Variants in ZNF445 observed in about 807,000 individuals in gnomAD.
The protein encoded by ZNF445 is zinc finger protein 168.
Under a neutral mutation model 93.9 loss-of-function variants are expected in ZNF445, and 19 were observed. That is an observed-to-expected ratio of 0.20 (90% CI 0.14 to 0.30). The LOEUF is 0.30. Among genes scored for constraint, ZNF445 ranks in the 10% least tolerant of loss-of-function variants. The probability of loss-of-function intolerance (pLI) is 1.00; values close to 1 mark genes in which losing one functional copy is unlikely to be tolerated. For synonymous variants in ZNF445, 449 were observed against 446.3 expected (o/e 1.01, Z -0.08); for missense variants, 1,058 against 1,259.4 (o/e 0.84, Z 2.42).
At chr3:44,454,459 G>T (rs886861178) in intron 3 of ZNF445, among the ~76,000 whole-genome samples, 1 of 152,106 alleles carries the variant, frequency 6.6e-6, no homozygotes, top group Admixed American at 6.5e-5. Flanking sequence ...TTAGAGATAG[G>T]GTCTTGCTGT....
chr3:44,457,295 AG>A (rs2125681421), intron 2 of ZNF445, among the ~76,000 whole-genome samples: 1 of 151,976 alleles, frequency 6.6e-6, no homozygotes, highest in African/African-American at 2.4e-5. Context: ...TTTTAAAGAC[AG>A]GGTCTCTTTC....
At chr3:44,462,487 A>C (rs1191313277) in intron 1 of ZNF445, among the ~76,000 whole-genome samples, 1 of 152,162 alleles carries the variant, frequency 6.6e-6, no homozygotes, top group African/African-American at 2.4e-5. Context: ...CTCAGTAGCT[A>C]AGGCTTTGCT....
At position 44,448,677 on chromosome 3, in the gene ZNF445, C is replaced by G; in HGVS notation, c.994G>C (p.Glu332Gln). 6.2e-7 allele frequency: 1 copy of G among 1,613,946 alleles called. No homozygotes were observed. Among genetic ancestry groups the G allele is most frequent in the Non-Finnish European group, 8.5e-7 (1 of 1,180,004 alleles). Residue 332 changes from glutamate (E) to glutamine (Q), a missense_variant, in exon 8 of 8, where the codon GAA (glutamate) becomes CAA (glutamine). Coordinates refer to ENST00000396077, the MANE Select transcript of ZNF445 (RefSeq NM_181489.6). ...CATCCTGATGACACAGCTAAGGTTTCTGCTTCTTCCAAAGGTTCCTGATTT... is the reference window on the plus strand; with the variant it reads ...CATCCTGATGACACAGCTAAGGTTTGTGCTTCTTCCAAAGGTTCCTGATTT... ...ILNQEPLEEA[E>Q]TLAVSSGCPA...
rs1423785319 is a variant in ZNF445 at position 44,436,202 on chromosome 3, T to G, written c.*10373A>C. On this transcript the variant is annotated 3_prime_UTR_variant, in exon 8 of 8. Coordinates refer to ENST00000396077, the MANE Select transcript of ZNF445 (RefSeq NM_181489.6). ...AGCTTTCCTACTTACTCGGATCAAG[T>G]AAAACTTTAGTAGGCAGCCCATCCA... 1 of 152,206 alleles carries G rather than the reference T, an allele frequency of 6.6e-6. No homozygotes were observed. The highest frequency in any genetic ancestry group is 1.5e-5 in the Non-Finnish European group (1 of 68,034). The allele number at this position is 152,206 out of a possible 1,614,324, so 9.4% of individuals were successfully genotyped here. A position where few individuals can be genotyped will look rare whatever the true frequency, so the allele number is the denominator to read the frequency against.
Position 44,448,014 on chromosome 3 carries a change from G to A in ZNF445, c.1657C>T (p.Leu553=). ...TCTCGGTGCAGACGGTAGGCTGACA[G>A]GCGTCGGAAAGCTTTCTCACATAAA... ...CDLCEKAFRR[L]SAYRLHRETH... The change falls in exon 8 of 8, where the codon CTG becomes TTG. Residue 553 remains leucine, a synonymous_variant. Transcript: ENST00000396077. 4.3e-6 allele frequency: 7 copies of A among 1,611,282 alleles called. No individual in the cohort carries two copies. The highest frequency in any genetic ancestry group is 2.2e-5 in the East Asian group (1 of 44,870).
At chr3:44,474,305 G>A (rs183587358) in intron 1 of ZNF445, among the ~76,000 whole-genome samples, 101 of 152,046 alleles carry the variant, frequency 6.6e-4, no homozygotes, top group African/African-American at 1.8e-3. Flanking sequence ...ACCTGAGGTC[G>A]GGAGTTTGAG....
chr3:44,460,507 C>T (rs1480439053), intron 1 of ZNF445, among the ~76,000 whole-genome samples: 1 of 152,146 alleles, frequency 6.6e-6, no homozygotes, highest in Non-Finnish European at 1.5e-5. Flanking sequence ...TTTTGCAGAC[C>T]CTGCACTTGA....
At chr3:44,463,846 G>T (rs773056700) in intron 1 of ZNF445, among the ~76,000 whole-genome samples, 13 of 150,984 alleles carry the variant, frequency 8.6e-5, no homozygotes, top group Non-Finnish European at 1.6e-4. Flanking sequence ...CTGCACTGTC[G>T]ACTGGTCATG....
At position 44,450,547 on chromosome 3, in the gene ZNF445, C is replaced by T. The variant is rs749856251; in HGVS notation, c.720G>A (p.Glu240=). The T allele has an allele frequency of 3.1e-6, 5 of 1,614,152 alleles. No individual in the cohort carries two copies. In the South Asian group the frequency reaches 5.5e-5, roughly 18 times the overall value. The change falls in exon 6 of 8, where the codon GAG becomes GAA. Residue 240 remains glutamate, a synonymous_variant. Transcript: ENST00000396077. ...LQETMTFKDV[E]VTFSQDEWGW... ...CCCACTCGTCCTGGGAGAAGGTCAC[C>T]TCCACATCCTTGAAAGTCATGGTCT...
In ZNF445 at chr3:44,442,814, G is replaced by A. The variant is rs1230973144; in HGVS notation, c.*3761C>T. ...ACAGCCGGGTTCCTAACCAGCAGGT[G>A]TGTGTTTGTGGGTGGCTTCCAGTCA... is the stretch of plus-strand genomic sequence containing the variant. On this transcript the variant is annotated 3_prime_UTR_variant, in exon 8 of 8. Coordinates refer to ENST00000396077, the MANE Select transcript of ZNF445 (RefSeq NM_181489.6). The A allele has an allele frequency of 6.6e-6, 1 of 152,168 alleles. No individual in the cohort carries two copies. Among genetic ancestry groups the A allele is most frequent in the African/African-American group, 2.4e-5 (1 of 41,436 alleles). The allele number at this position is 152,168 out of a possible 1,614,324, so 9.4% of individuals were successfully genotyped here. A position where few individuals can be genotyped will look rare whatever the true frequency, so the allele number is the denominator to read the frequency against.
intron 1 of ZNF445, among the ~76,000 whole-genome samples, chr3:44,463,011 TTG>T (rs61329186): frequency 0.1 from 14,909 of 144,298 alleles, 827 homozygotes; most frequent in Non-Finnish European, 0.13. Flanking sequence ...ATTTTTTTCT[TTG>T]TGTGTGTGTG....
chr3:44,462,917 T>C (rs1050492754), intron 1 of ZNF445, among the ~76,000 whole-genome samples: 1 of 152,062 alleles, frequency 6.6e-6, no homozygotes, highest in Non-Finnish European at 1.5e-5. Context: ...AAACAAGCTG[T>C]AGGTATATTT....
chr3:44,453,943 C>G (rs913927772), intron 3 of ZNF445, among the ~76,000 whole-genome samples: 1 of 152,142 alleles, frequency 6.6e-6, no homozygotes, highest in Non-Finnish European at 1.5e-5. Context: ...TATTTCTCAG[C>G]CCAGCTCTGC....
Position 44,448,345 on chromosome 3 carries a change from C to T in ZNF445, c.1326G>A (p.Gly442=). The T allele has an allele frequency of 6.2e-7, 1 of 1,614,192 alleles. No homozygotes were observed. The highest frequency in any genetic ancestry group is 8.5e-7 in the Non-Finnish European group (1 of 1,180,040). ...GAATTCTCTGATGTAGGCTGAAGCC[C>T]CCAATCATGTGTCTGAGCCCCTTCC... ...KYGKGLRHMI[G]GFSLHQRIHS... Residue 442 remains glycine (G), a synonymous_variant, in exon 8 of 8, where the codon GGG becomes GGA. Coordinates refer to ENST00000396077, the MANE Select transcript of ZNF445 (RefSeq NM_181489.6).
At chr3:44,451,963 A>G (rs1265872195) in intron 3 of ZNF445, among the ~76,000 whole-genome samples, 1 of 152,246 alleles carries the variant, frequency 6.6e-6, no homozygotes, top group African/African-American at 2.4e-5. Context: ...TCAAAGAGGC[A>G]GGCTAGCTCC....
In ZNF445 at chr3:44,450,924, C is replaced by T. The variant is rs1697948035; in HGVS notation, c.637G>A (p.Glu213Lys). 2 of 1,600,004 alleles carry T rather than the reference C, an allele frequency of 1.3e-6. No homozygotes were observed. Among genetic ancestry groups the T allele is most frequent in the South Asian group, 1.1e-5 (1 of 88,372 alleles). Residue 213 changes from glutamate to lysine, a missense_variant, in exon 5 of 8, where the codon GAG (glutamate) becomes AAG (lysine). Physicochemically the swap from Glu to Lys is moderately conservative, Grantham distance 56. This residue lies in a region of ZNF445 where 657 missense variants were observed against 746.4 expected (regional missense o/e 0.88). Transcript: ENST00000396077. Reference protein sequence around the residue: ...AAQMPALFPREGCPGDQVTPT... With the variant: ...AAQMPALFPRKGCPGDQVTPT... ...GTTACCTGGTCTCCCGGGCACCCCT[C>T]TCTCGGGAAAAGGGCAGGCATCTGG...
At position 44,436,431 on chromosome 3, in the gene ZNF445, A is replaced by T. The variant is rs1243993650; in HGVS notation, c.*10144T>A. On this transcript the variant is annotated 3_prime_UTR_variant, in exon 8 of 8. Transcript: ENST00000396077. ...ACTTCAGGGAGCATTTCCCACTGTA[A>T]TGTGGCCTGTATAGAATATCTGGCA... is the stretch of plus-strand genomic sequence containing the variant. 6.6e-6 allele frequency: 1 copy of T among 152,154 alleles called. No individual in the cohort carries two copies. Among genetic ancestry groups the T allele is most frequent in the Non-Finnish European group, 1.5e-5 (1 of 68,022 alleles). The allele number at this position is 152,154 out of a possible 1,614,324, so 9.4% of individuals were successfully genotyped here.
intron 1 of ZNF445, among the ~76,000 whole-genome samples, chr3:44,474,679 TTAAA>T (rs1469745735): frequency 6.6e-6 from 1 of 152,158 alleles, no homozygotes; most frequent in Non-Finnish European, 1.5e-5. Flanking sequence ...AAAAGAATGC[TTAAA>T]TAAACTTTTA....
rs1206052073 is a variant in ZNF445 at position 44,436,045 on chromosome 3, A to G, written c.*10530T>C. The G allele has an allele frequency of 6.6e-6, 1 of 152,212 alleles. No homozygotes were observed. The highest frequency in any genetic ancestry group is 1.5e-5 in the Non-Finnish European group (1 of 68,046). 9.4% of individuals were successfully genotyped at this position (152,212 alleles called of 1,614,324 possible). A position where few individuals can be genotyped will look rare whatever the true frequency, so the allele number is the denominator to read the frequency against. Reference sequence around the variant, plus strand: ...ATTATTGTCAGTGCAGCAGGGTCCTACTTCAAAGGGACCTGGCCTATCCTT... The same window carrying G: ...ATTATTGTCAGTGCAGCAGGGTCCTGCTTCAAAGGGACCTGGCCTATCCTT... On this transcript the variant is annotated 3_prime_UTR_variant, in exon 8 of 8. Transcript: ENST00000396077.
Sources: gnomAD v4.1 joint callset for allele counts (sites outside exome capture counted in the v4.1 genomes callset) on GRCh38, gnomAD v4.1.1 for gene constraint, gnomAD v4.1.1 regional missense constraint, MANE v1.5 for transcripts, NCBI Gene and HGNC (gene_info 2026-07-23, HGNC 2026-07-21) for gene names.